The following CFAP47 variants were observed in gnomAD, a reference collection of about 807,000 sequenced individuals.
CFAP47 encodes cilia and flagella associated protein 47, also known as cilia- and flagella-associated protein 47.
Under a neutral mutation model 148.1 loss-of-function variants are expected in CFAP47, and 29 were observed. That is an observed-to-expected ratio of 0.20 (90% CI 0.15 to 0.27). The LOEUF (loss-of-function observed/expected upper bound fraction) is 0.27, where lower values mean the gene tolerates loss of function less well. CFAP47 is among the 10% of genes least tolerant of loss of function. The pLI is 1.00. For missense variants in CFAP47, 1,872 were observed against 1,697.5 expected, an observed-to-expected ratio of 1.10 and a Z score of -1.81; for synonymous variants, 664 against 577.3, an observed-to-expected ratio of 1.15 and a Z score of -2.15.
At chrX:36,190,729 GAGAC>G (rs1251426053) in intron 42 of CFAP47, among the ~76,000 whole-genome samples, 1 of 111,153 alleles carries the variant, frequency 9.0e-6, no homozygotes, top group African/African-American at 3.3e-5. Context: ...GCAAGGGAGA[GAGAC>G]AGAGAGAGTT....
chrX:35,988,607 C>A (rs1310588402), intron 15 of CFAP47, among the ~76,000 whole-genome samples: 3 of 111,969 alleles, frequency 2.7e-5, no homozygotes, highest in Non-Finnish European at 5.6e-5. Flanking sequence ...TAATTGATTT[C>A]TTTCATTCCG....
At chrX:36,081,815 C>T (rs972919072) in intron 29 of CFAP47, among the ~76,000 whole-genome samples, 1 of 111,329 alleles carries the variant, frequency 9.0e-6, no homozygotes, top group Non-Finnish European at 1.9e-5. Flanking sequence ...AAAATCTCAA[C>T]AGAGTCACCA....
chrX:36,141,392 G>T (rs5973590), intron 35 of CFAP47, among the ~76,000 whole-genome samples: 1 of 111,116 alleles, frequency 9.0e-6, no homozygotes, highest in South Asian at 3.8e-4. Context: ...GTCTCACTCT[G>T]GAAGGGAGAG....
chrX:36,190,131 G>A lies in CFAP47; in HGVS notation c.6256G>A (p.Glu2086Lys), dbSNP rs1939850332. 1 of 296,732 alleles carries A rather than the reference G, an allele frequency of 3.4e-6. No individual in the cohort carries two copies. The highest frequency in any genetic ancestry group is 2.7e-5 in the African/African-American group (1 of 36,640). The allele number at this position is 296,732 out of a possible 1,213,427, so 24.5% of individuals were successfully genotyped here. ...HLGVKGTSSLELRFLPFNMHV... is the reference protein window; with the variant it reads ...HLGVKGTSSLKLRFLPFNMHV... ...GGGAGTGAAAGGAACTTCAAGCCTA[G>A]AGCTCCGCTTTCTTCCCTTTAACAT... Residue 2086 changes from glutamate to lysine, a missense_variant, in exon 42 of 64, where the codon GAG (glutamate) becomes AAG (lysine). Coordinates refer to ENST00000378653, the MANE Select transcript of CFAP47 (RefSeq NM_001304548.2).
chrX:36,162,741 T>G (rs1439016908), intron 39 of CFAP47, among the ~76,000 whole-genome samples: 3 of 111,680 alleles, frequency 2.7e-5, no homozygotes, highest in Non-Finnish European at 5.6e-5. Context: ...ATTCTTCTTT[T>G]GCAGAACACC....
At chrX:35,980,986 CTT>C (rs1569223569) in intron 15 of CFAP47, among the ~76,000 whole-genome samples, 2 of 110,110 alleles carry the variant, frequency 1.8e-5, no homozygotes, top group African/African-American at 3.3e-5. Flanking sequence ...AAATTGCTCT[CTT>C]TGTCTTTCCA....
intron 49 of CFAP47, among the ~76,000 whole-genome samples, chrX:36,252,332 G>A (rs1354135735): frequency 9.2e-6 from 1 of 109,231 alleles, no homozygotes; most frequent in African/African-American, 3.3e-5. Flanking sequence ...AGAAGAAAGT[G>A]CAGAGAGCAT....
At chrX:36,359,005 T>C (rs1306374888) in intron 60 of CFAP47, among the ~76,000 whole-genome samples, 1 of 112,002 alleles carries the variant, frequency 8.9e-6, no homozygotes, top group African/African-American at 3.2e-5. Context: ...GTGGCATTAG[T>C]AGTTATTGTC....
chrX:36,262,011 C>A (rs181889447), intron 49 of CFAP47, among the ~76,000 whole-genome samples: 6,423 of 111,496 alleles, frequency 0.058, 158 homozygotes, highest in Middle Eastern at 0.13. Context: ...TGACCCCCCA[C>A]CTCCTGTAGT....
chrX:36,377,012 C>T (rs1942030142), intron 62 of CFAP47, among the ~76,000 whole-genome samples: 1 of 111,223 alleles, frequency 9.0e-6, no homozygotes, highest in Non-Finnish European at 1.9e-5. Context: ...TTTTCTTAAT[C>T]CAGTCTATCA....
intron 26 of CFAP47, among the ~76,000 whole-genome samples, chrX:36,056,452 A>C (rs1289055458): frequency 1.8e-5 from 2 of 111,712 alleles, no homozygotes; most frequent in Non-Finnish European, 3.8e-5. Flanking sequence ...GTGGCTACTC[A>C]GTCTCTCCTC....
chrX:36,183,076 G>A (rs1939768561), intron 40 of CFAP47, among the ~76,000 whole-genome samples: 1 of 112,538 alleles, frequency 8.9e-6, no homozygotes, highest in African/African-American at 3.2e-5. Flanking sequence ...TTGGGAGGCT[G>A]AGGTGGACAG....
chrX:36,041,580 T>C (rs1382537471), intron 25 of CFAP47, among the ~76,000 whole-genome samples: 1 of 111,371 alleles, frequency 9.0e-6, no homozygotes, highest in Non-Finnish European at 1.9e-5. Flanking sequence ...GAAATTTCTA[T>C]TATGAAGTCA....
intron 50 of CFAP47, among the ~76,000 whole-genome samples, chrX:36,283,800 A>G (rs1338025878): frequency 2.7e-5 from 3 of 111,755 alleles, no homozygotes; most frequent in Non-Finnish European, 5.7e-5. Flanking sequence ...TCCCTGTTCC[A>G]CAAATGGGCA....
chrX:36,053,852 G>C (rs772533001), intron 26 of CFAP47, among the ~76,000 whole-genome samples: 7 of 112,357 alleles, frequency 6.2e-5, no homozygotes, highest in Non-Finnish European at 1.3e-4. Flanking sequence ...CTGAGAAACT[G>C]TCAAGGTAAT....
intron 62 of CFAP47, among the ~76,000 whole-genome samples, chrX:36,378,103 T>C (rs782167658): frequency 8.9e-6 from 1 of 111,966 alleles, no homozygotes; most frequent in South Asian, 3.7e-4. Context: ...AACTTGGCCT[T>C]TTATGAGTAT....
At chrX:36,212,509 A>G (rs183127550) in intron 45 of CFAP47, among the ~76,000 whole-genome samples, 1 of 111,894 alleles carries the variant, frequency 8.9e-6, no homozygotes, top group Non-Finnish European at 1.9e-5. Flanking sequence ...TATCTTAACA[A>G]TATTGTCTTG....
chrX:36,057,594 A>G (rs1479387399), intron 26 of CFAP47, among the ~76,000 whole-genome samples: 1 of 111,886 alleles, frequency 8.9e-6, no homozygotes, highest in Non-Finnish European at 1.9e-5. Flanking sequence ...TACTAAAAAT[A>G]TAGACCTTGC....
chrX:35,922,753 G>A (rs1374066306), intron 1 of CFAP47, among the ~76,000 whole-genome samples: 1 of 112,510 alleles, frequency 8.9e-6, no homozygotes, highest in Non-Finnish European at 1.9e-5. Flanking sequence ...TTGCTGCAAA[G>A]CACTATTTAG....
Sources: allele counts gnomAD v4.1 joint callset (sites outside exome capture counted in the v4.1 genomes callset), GRCh38; gene constraint gnomAD v4.1.1; transcripts MANE v1.5; gene names NCBI Gene and HGNC (gene_info 2026-07-23, HGNC 2026-07-21).